Variants in SCAMP1 observed in about 807,000 individuals in gnomAD.
SCAMP1 encodes secretory carrier membrane protein 1, also known as secretory carrier-associated membrane protein 1.
Under a neutral mutation model 41.8 loss-of-function variants are expected in SCAMP1, and 15 were observed. That is an observed-to-expected ratio of 0.36 (90% CI 0.24 to 0.55). SCAMP1 has a LOEUF of 0.55. Among genes scored for constraint, SCAMP1 ranks in the 20% least tolerant of loss-of-function variants. SCAMP1 has a pLI of 0.86. For synonymous variants in SCAMP1, 135 were observed against 136.8 expected, an observed-to-expected ratio of 0.99 and a Z score of 0.09; for missense variants, 341 against 412.6, an observed-to-expected ratio of 0.83 and a Z score of 1.50.
At position 78,441,471 on chromosome 5, in the gene SCAMP1, T is replaced by C. The variant is rs1313395808; in HGVS notation, c.633-8462T>C. ...TAGGAAATTTCAAGTGTAAGAGTGA[T>C]AGGACCATCAAGAGAATTAATATTA... On this transcript the variant is annotated intron_variant, in intron 6 of 8. Coordinates refer to ENST00000621999, the MANE Select transcript of SCAMP1 (RefSeq NM_004866.6). Among the ~76,000 whole-genome samples the C allele has an allele frequency of 2.0e-5, 3 of 152,218 alleles. No individual in the cohort carries two copies. The East Asian group carries it at 5.8e-4, about 29-fold the overall frequency.
intron 1 of SCAMP1, among the ~76,000 whole-genome samples, chr5:78,363,730 GTC>G (rs1312422448): frequency 1.3e-5 from 2 of 152,102 alleles, no homozygotes; most frequent in Admixed American, 1.3e-4. Flanking sequence ...AGTAGTTTGA[GTC>G]TATTCTCCTT....
At chr5:78,391,692 G>A (rs1020034789) in intron 2 of SCAMP1, among the ~76,000 whole-genome samples, 10 of 152,182 alleles carry the variant, frequency 6.6e-5, no homozygotes, top group African/African-American at 2.2e-4. Flanking sequence ...CCGAGATCAC[G>A]CCACCGCACT....
intron 6 of SCAMP1, 21 bp from the exon 7 acceptor site, chr5:78,449,912 C>G: frequency 7.5e-7 from 1 of 1,336,080 alleles, no homozygotes; most frequent in African/African-American, 1.6e-5. Flanking sequence ...TTTTTTCTTT[C>G]TTTCTTTTTT....
At chr5:78,377,296 C>T (rs528089212) in intron 1 of SCAMP1, among the ~76,000 whole-genome samples, 11 of 152,140 alleles carry the variant, frequency 7.2e-5, no homozygotes, top group African/African-American at 2.4e-4. Flanking sequence ...TCTCTGCTCC[C>T]TTTTCTGGCC....
intron 1 of SCAMP1, among the ~76,000 whole-genome samples, chr5:78,386,301 A>G (rs568846702): frequency 8.5e-5 from 13 of 152,216 alleles, no homozygotes; most frequent in African/African-American, 3.1e-4. Context: ...GTCCATTTGC[A>G]TAGAATATCT....
At position 78,439,635 on chromosome 5, in the gene SCAMP1, G is replaced by T. The variant is rs1202610201; in HGVS notation, c.633-10298G>T. On this transcript the variant is annotated intron_variant, in intron 6 of 8. Coordinates refer to ENST00000621999, the MANE Select transcript of SCAMP1 (RefSeq NM_004866.6). ...GTGAGTAACCTGACCTTTCTCTCTG[G>T]CTGCCCTTTACATTTTTTCCTTCAT... is the stretch of plus-strand genomic sequence containing the variant. 3.3e-5 allele frequency among the ~76,000 whole-genome samples: 5 copies of T among 152,226 alleles called. No individual in the cohort carries two copies. The East Asian group carries it at 9.6e-4, about 29-fold the overall frequency.
chr5:78,440,160 G>T (rs1367406763), intron 6 of SCAMP1, among the ~76,000 whole-genome samples: 1 of 152,084 alleles, frequency 6.6e-6, no homozygotes, highest in African/African-American at 2.4e-5. Flanking sequence ...TCCTCCTTTA[G>T]CTCGGAGAAG....
chr5:78,413,264 GGTTT>G (rs1000595447), intron 2 of SCAMP1, among the ~76,000 whole-genome samples: 1 of 151,978 alleles, frequency 6.6e-6, no homozygotes, highest in African/African-American at 2.4e-5. Context: ...CATTTGTGTG[GGTTT>G]GTTTCTGTGT....
At chr5:78,475,211 CTAAT>C (rs1753976321) in intron 8 of SCAMP1, among the ~76,000 whole-genome samples, 1 of 152,062 alleles carries the variant, frequency 6.6e-6, no homozygotes, top group African/African-American at 2.4e-5. Context: ...TTTCACTTGA[CTAAT>C]TGGGTGCAGA....
rs1753688103 is a variant in SCAMP1, at chr5:78,464,308, T to C, written c.852+4946T>C. Among the ~76,000 whole-genome samples the C allele has an allele frequency of 2.6e-5, 4 of 152,232 alleles. No homozygotes were observed. The South Asian group carries it at 8.3e-4, about 32-fold the overall frequency. On this transcript the variant is annotated intron_variant, in intron 8 of 8. Coordinates refer to ENST00000621999, the MANE Select transcript of SCAMP1 (RefSeq NM_004866.6). ...ACAGGCATGTGCCACCATGCCTGGC[T>C]AATTTTTGTATTTTTAGTAGAGACA...
rs1218359642 is a variant in SCAMP1, at chr5:78,477,619, C to G, written c.*1951C>G. 6.6e-6 allele frequency: 1 copy of G among 152,102 alleles called. No homozygotes were observed. Among genetic ancestry groups the G allele is most frequent in the Non-Finnish European group, 1.5e-5 (1 of 67,972 alleles). The allele number at this position is 152,102 out of a possible 1,614,324, so 9.4% of individuals were successfully genotyped here. ...TTTTGAAAAATGCTGAAATACTTTG[C>G]TTCAGAATTGGAATGTTTATATTAT... is the stretch of plus-strand genomic sequence containing the variant. On this transcript the variant is annotated 3_prime_UTR_variant, in exon 9 of 9. Transcript: ENST00000621999.
At chr5:78,449,881 C>G in intron 6 of SCAMP1, 52 bp from the exon 7 acceptor site, 4 of 955,356 alleles carry the variant, frequency 4.2e-6, no homozygotes, top group Non-Finnish European at 6.2e-6. Flanking sequence ...TTTTCCCCTT[C>G]TTTCTCTCCC....
chr5:78,411,393 GT>G (rs1022059761), intron 2 of SCAMP1, among the ~76,000 whole-genome samples: 24 of 152,252 alleles, frequency 1.6e-4, no homozygotes, highest in African/African-American at 5.3e-4. Flanking sequence ...AAGAGAATTT[GT>G]GATTATTTTA....
intron 7 of SCAMP1, 111 bp from the exon 8 acceptor site, chr5:78,459,134 A>G (rs1753516391): frequency 4.4e-6 from 3 of 677,398 alleles, no homozygotes; most frequent in South Asian, 1.7e-5. Context: ...ATACACATAA[A>G]GAACTTGAAT....
Position 78,475,567 on chromosome 5 carries a change from G to A in SCAMP1, c.916G>A (p.Gly306Ser), listed in dbSNP as rs1221883149. The change falls in exon 9 of 9, where the codon GGT becomes AGT. Residue 306 changes from glycine (G) to serine (S), a missense_variant. Gly to Ser is a moderately conservative substitution (Grantham distance 56). Transcript: ENST00000621999. ...FEKAQQEFAT[G>S]VMSNKTVQTA... ...GAAGGCCCAACAGGAGTTTGCAACA[G>A]GTGTGATGTCCAACAAAACTGTCCA... 2.5e-6 allele frequency: 4 copies of A among 1,611,502 alleles called. No homozygotes were observed. The Admixed American group carries it at 6.7e-5, about 27-fold the overall frequency.
rs763417331 is a variant in SCAMP1, at chr5:78,446,120, G to A, written c.633-3813G>A. Among the ~76,000 whole-genome samples the A allele has an allele frequency of 3.3e-4, 50 of 152,188 alleles. 1 individual carries two copies. Among genetic ancestry groups the A allele is most frequent in the Admixed American group, 2.2e-3 (34 of 15,288 alleles). ...AAACTAGACAAAAGTAAACTTTGAG[G>A]TTTTCATTTGATCAGTTTTGTACAC... is the stretch of plus-strand genomic sequence containing the variant. On this transcript the variant is annotated intron_variant, in intron 6 of 8. Transcript: ENST00000621999.
At chr5:78,374,302 C>G (rs896018819) in intron 1 of SCAMP1, among the ~76,000 whole-genome samples, 3 of 152,086 alleles carry the variant, frequency 2.0e-5, no homozygotes, top group Non-Finnish European at 4.4e-5. Context: ...AGGCAGAAGG[C>G]ATATGTGTTG....
intron 1 of SCAMP1, among the ~76,000 whole-genome samples, chr5:78,377,166 A>G (rs1462053974): frequency 1.3e-5 from 2 of 152,060 alleles, no homozygotes; most frequent in Non-Finnish European, 2.9e-5. Flanking sequence ...CTTCTGTAAC[A>G]CAAAGTCATT....
intron 8 of SCAMP1, among the ~76,000 whole-genome samples, chr5:78,469,422 T>C (rs1215190625): frequency 2.0e-5 from 3 of 152,120 alleles, no homozygotes; most frequent in Middle Eastern, 6.8e-3. Flanking sequence ...AATGGCACTC[T>C]TGAGCAGATT....
Sources: allele counts gnomAD v4.1 joint callset (sites outside exome capture counted in the v4.1 genomes callset), GRCh38; gene constraint gnomAD v4.1.1; transcripts MANE v1.5; gene names NCBI Gene and HGNC (gene_info 2026-07-23, HGNC 2026-07-21).